Variants in OPCML observed in about 807,000 individuals in gnomAD.
The protein encoded by OPCML is opioid binding protein/cell adhesion molecule like.
OPCML carries 13 observed loss-of-function variants against 37.8 expected under a neutral mutation model. The ratio of observed to expected loss-of-function variants is 0.34; its 90% confidence interval spans 0.22 to 0.55. OPCML has a LOEUF of 0.55. OPCML is among the 20% of genes least tolerant of loss of function. The pLI is 0.91. For synonymous variants in OPCML, 176 were observed against 168.8 expected (o/e 1.04, Z -0.33); for missense variants, 341 against 435.6 (o/e 0.78, Z 1.93).
At chr11:132,625,781 A>G (rs1217923424) in intron 3 of OPCML, among the ~76,000 whole-genome samples, 1 of 152,066 alleles carries the variant, frequency 6.6e-6, no homozygotes, top group Non-Finnish European at 1.5e-5. Context: ...ACCTCTCAAC[A>G]GGTATATGTG....
intron 2 of OPCML, among the ~76,000 whole-genome samples, chr11:132,736,352 A>G (rs1225268054): frequency 6.6e-6 from 1 of 152,230 alleles, no homozygotes; most frequent in Non-Finnish European, 1.5e-5. Flanking sequence ...CCAATCAGAC[A>G]CTGTAATGGG....
At chr11:132,433,373 GT>G (rs1254508533) in intron 7 of OPCML, among the ~76,000 whole-genome samples, 1 of 152,176 alleles carries the variant, frequency 6.6e-6, no homozygotes, top group African/African-American at 2.4e-5. Context: ...CAGGCCTGTG[GT>G]TTTTGTTTGT....
chr11:133,362,131 A>G (rs1944436733), intron 1 of OPCML: 1 of 152,264 alleles, frequency 6.6e-6, no homozygotes, highest in African/African-American at 2.4e-5. Context: ...TCCTTCCACC[A>G]GTCACAGGTA....
intron 1 of OPCML, among the ~76,000 whole-genome samples, chr11:133,468,047 A>G (rs569927463): frequency 1.3e-5 from 2 of 152,322 alleles, no homozygotes; most frequent in South Asian, 2.1e-4. Flanking sequence ...GTACCTGGCA[A>G]TGCTCTCAAA....
At chr11:132,835,037 A>T (rs2136287725) in intron 2 of OPCML, among the ~76,000 whole-genome samples, 1 of 151,208 alleles carries the variant, frequency 6.6e-6, no homozygotes, top group South Asian at 2.1e-4. Context: ...AGCTTGCCAG[A>T]GCCAGGACTT....
intron 1 of OPCML, among the ~76,000 whole-genome samples, chr11:133,182,244 C>T (rs771062268): frequency 6.6e-6 from 1 of 152,162 alleles, no homozygotes; most frequent in African/African-American, 2.4e-5. Flanking sequence ...GATGGCTAAT[C>T]TCTTGTAGCT....
intron 3 of OPCML, among the ~76,000 whole-genome samples, chr11:132,648,390 C>T (rs536971415): frequency 6.6e-6 from 1 of 152,192 alleles, no homozygotes; most frequent in African/African-American, 2.4e-5. Context: ...CAGAACATAA[C>T]AGGCATTTCA....
intron 4 of OPCML, among the ~76,000 whole-genome samples, chr11:132,469,657 T>A (rs1357765392): frequency 8.0e-6 from 1 of 125,248 alleles, no homozygotes; most frequent in Admixed American, 8.8e-5. Flanking sequence ...GGTGTATGTG[T>A]GTGGGGGTGT....
intron 1 of OPCML, chr11:133,004,667 C>G: frequency 1.0e-6 from 1 of 985,458 alleles, no homozygotes; most frequent in East Asian, 1.1e-4. Flanking sequence ...TGGCGAGGGA[C>G]CATGCCCTCG....
chr11:133,073,401 C>A (rs550423828), intron 1 of OPCML, among the ~76,000 whole-genome samples: 1 of 152,320 alleles, frequency 6.6e-6, no homozygotes, highest in Non-Finnish European at 1.5e-5. Flanking sequence ...CATGGACCAG[C>A]GGGACTGAAG....
chr11:132,768,895 T>C (rs1436014203), intron 2 of OPCML, among the ~76,000 whole-genome samples: 1 of 151,894 alleles, frequency 6.6e-6, no homozygotes, highest in Non-Finnish European at 1.5e-5. Flanking sequence ...GAGGAGAAAG[T>C]GGGACACAGA....
Position 133,173,422 on chromosome 11 carries a change from GAAT to G in OPCML, c.62-230415_62-230413del, listed in dbSNP as rs761783416. On this transcript the variant is annotated intron_variant, in intron 1 of 7. Coordinates refer to ENST00000524381, the MANE Select transcript of OPCML (RefSeq NM_001012393.5). This position sits in a 1 kb window ranked among gnomAD's most constrained non-coding sequence, Gnocchi z 7.8. ...TGTTGCACACTGTAAGAACTTAAAA[GAAT>G]AATAAATCGAGTGAACAAATAAATA... 1.3e-5 allele frequency among the ~76,000 whole-genome samples: 2 copies of G among 152,142 alleles called. No homozygotes were observed. Among genetic ancestry groups the G allele is most frequent in the Non-Finnish European group, 2.9e-5 (2 of 68,010 alleles).
chr11:133,416,291 C>A (rs909593690), intron 1 of OPCML, among the ~76,000 whole-genome samples: 1 of 152,104 alleles, frequency 6.6e-6, no homozygotes, highest in Non-Finnish European at 1.5e-5. Context: ...TGATCATAAT[C>A]CTCCCCAACC....
At chr11:133,430,269 G>C (rs1221329922) in intron 1 of OPCML, among the ~76,000 whole-genome samples, 1 of 152,114 alleles carries the variant, frequency 6.6e-6, no homozygotes, top group Non-Finnish European at 1.5e-5. Context: ...AAAAAAAGAG[G>C]AAAGAAATTG....
At chr11:133,527,377 C>T (rs1028285439) in intron 1 of OPCML, among the ~76,000 whole-genome samples, 3 of 152,174 alleles carry the variant, frequency 2.0e-5, no homozygotes, top group African/African-American at 7.2e-5. Context: ...AAAAGCTTAA[C>T]AATTTCCTGT....
At chr11:132,455,156 G>A (rs189802595) in intron 4 of OPCML, among the ~76,000 whole-genome samples, 18 of 152,156 alleles carry the variant, frequency 1.2e-4, no homozygotes, top group East Asian at 1.2e-3. Context: ...CAGAGTTTGC[G>A]CATCTCATTT....
At chr11:133,409,002 C>A (rs531610692) in intron 1 of OPCML, among the ~76,000 whole-genome samples, 29 of 152,340 alleles carry the variant, frequency 1.9e-4, no homozygotes, top group Admixed American at 1.6e-3. Flanking sequence ...AGATGCCAGA[C>A]TTCCTGGGTG....
intron 2 of OPCML, among the ~76,000 whole-genome samples, chr11:132,907,537 A>C (rs749515016): frequency 3.4e-4 from 51 of 152,074 alleles, no homozygotes; most frequent in Non-Finnish European, 5.9e-4. Flanking sequence ...GGACTGAGGC[A>C]GGAGAATCGC....
intron 4 of OPCML, among the ~76,000 whole-genome samples, chr11:132,495,766 G>T (rs559923646): frequency 6.6e-6 from 1 of 151,888 alleles, no homozygotes; most frequent in Non-Finnish European, 1.5e-5. Flanking sequence ...GTAGTGGCGG[G>T]CGCCTGTGGT....
Sources: allele counts gnomAD v4.1 joint callset (sites outside exome capture counted in the v4.1 genomes callset), GRCh38; gene constraint gnomAD v4.1.1; non-coding constraint Gnocchi (gnomAD v3.1); transcripts MANE v1.5; gene names NCBI Gene and HGNC (gene_info 2026-07-23, HGNC 2026-07-21).